Variants in HOGA1 observed in about 807,000 individuals in gnomAD.
HOGA1 encodes 4-hydroxy-2-oxoglutarate aldolase 1.
HOGA1 carries 30 observed loss-of-function variants against 34.3 expected under a neutral mutation model. That is an observed-to-expected ratio of 0.87 (90% CI 0.65 to 1.19). The LOEUF is 1.19. Among genes scored for constraint, HOGA1 ranks in the 50% most tolerant of loss-of-function variants. The pLI is 0.00. For synonymous variants in HOGA1, 161 were observed against 174.0 expected, an observed-to-expected ratio of 0.93 and a Z score of 0.59; for missense variants, 417 against 436.5, an observed-to-expected ratio of 0.96 and a Z score of 0.40.
At position 97,584,792 on chromosome 10, in the gene HOGA1, GGAA is replaced by G. The variant is rs750736378; in HGVS notation, c.94_96del (p.Lys32del). On this transcript the variant is annotated inframe_deletion, in exon 1 of 7. Transcript: ENST00000370646. Reference sequence around the variant, plus strand: ...GTGGGGGTCTGGGCCTCAGGGGAGGGGAAGAAGGTGGACATTGCGGGTATCTAC... The same window carrying G: ...GTGGGGGTCTGGGCCTCAGGGGAGGGGAAGGTGGACATTGCGGGTATCTAC... The G allele has an allele frequency of 1.9e-5, 31 of 1,613,952 alleles. No individual in the cohort carries two copies. The East Asian group carries it at 6.7e-4, about 35-fold the overall frequency.
Position 97,602,175 on chromosome 10 carries a change from G to A in HOGA1, c.834+185G>A, listed in dbSNP as rs540059275. 10 of 1,547,912 alleles carry A rather than the reference G, an allele frequency of 6.5e-6. No homozygotes were observed. In the East Asian group the frequency reaches 9.8e-5, roughly 15 times the overall value. On this transcript the variant is annotated intron_variant, in intron 6 of 6. Coordinates refer to ENST00000370646, the MANE Select transcript of HOGA1 (RefSeq NM_138413.4). The stretch of plus-strand genomic sequence containing the variant: ...GAAAATCCTGACTTCGGACAAAGTC[G>A]AGCACCACTGATTGTCAAACTTAAG...
Position 97,600,173 on chromosome 10 carries a change from C to T in HOGA1, c.700+10C>T. On this transcript the variant is annotated intron_variant, in intron 5 of 6. Coordinates refer to ENST00000370646, the MANE Select transcript of HOGA1 (RefSeq NM_138413.4). ...GCCAGCTATGCCTTGGGTAGGCCGC[C>T]CACTGCTCTCAAATTGTCATGGGTG... is the stretch of plus-strand genomic sequence containing the variant. 1 of 1,609,344 alleles carries T rather than the reference C, an allele frequency of 6.2e-7. No homozygotes were observed.
intron 6 of HOGA1, 30 bp downstream of exon 6, chr10:97,602,020 G>T: frequency 6.3e-7 from 1 of 1,592,906 alleles, no homozygotes; most frequent in Non-Finnish European, 8.5e-7. Flanking sequence ...GGCGCGGCCT[G>T]GCGGGGGGTG....
intron 1 of HOGA1, among the ~76,000 whole-genome samples, chr10:97,591,817 T>TTGTGTGTGTGTGTGTG (rs56742680): frequency 8.1e-5 from 9 of 111,056 alleles, no homozygotes; most frequent in Non-Finnish European, 1.2e-4. Flanking sequence ...TTCTTTCATT[T>TTGTGTGTGTGTGTGTG]TGTGTGTGTG....
chr10:97,587,454 C>T (rs1182088686), intron 1 of HOGA1, among the ~76,000 whole-genome samples: 1 of 152,120 alleles, frequency 6.6e-6, no homozygotes, highest in Non-Finnish European at 1.5e-5. Flanking sequence ...TGGAAAGCTG[C>T]CCTGGATGAA....
At chr10:97,602,342 A>C in intron 6 of HOGA1, 1 of 1,223,436 alleles carries the variant, frequency 8.2e-7, no homozygotes, top group Non-Finnish European at 1.0e-6. Flanking sequence ...AAGAGTGTAA[A>C]CCAGGGGCCT....
In HOGA1 at chr10:97,611,595, A is replaced by G. The variant is rs1388164451; in HGVS notation, c.920A>G (p.Gln307Arg). Residue 307 changes from glutamine to arginine, a missense_variant, in exon 7 of 7, where the codon CAG (glutamine) becomes CGG (arginine). Transcript: ENST00000370646. ...GGAGGCCCCTGCCGCGCCCCCTTGC[A>G]GGAGCTGAGCCCCGCTGAGGAGGAG... ...YYGGPCRAPL[Q>R]ELSPAEEEAL... The G allele has an allele frequency of 6.2e-7, 1 of 1,614,234 alleles. No homozygotes were observed. Among genetic ancestry groups the G allele is most frequent in the Non-Finnish European group, 8.5e-7 (1 of 1,180,036 alleles).
chr10:97,602,699 T>A, intron 6 of HOGA1: 1 of 680,468 alleles, frequency 1.5e-6, no homozygotes, highest in Non-Finnish European at 1.8e-6. Flanking sequence ...CCTTCTTTCT[T>A]TTTTTAGACA....
At chr10:97,601,711 T>C in intron 5 of HOGA1, 146 bp from the exon 6 acceptor site, 1 of 903,970 alleles carries the variant, frequency 1.1e-6, no homozygotes, top group Non-Finnish European at 1.8e-6. Flanking sequence ...TACTCTGGAC[T>C]CACAGAGCAT....
At chr10:97,587,347 G>A (rs2040978641) in intron 1 of HOGA1, among the ~76,000 whole-genome samples, 1 of 152,164 alleles carries the variant, frequency 6.6e-6, no homozygotes, top group Non-Finnish European at 1.5e-5. Flanking sequence ...AGCACTTTGG[G>A]AGGCCAAGGC....
In HOGA1 at chr10:97,599,104, T is replaced by C; in HGVS notation, c.356T>C (p.Val119Ala). The change falls in exon 3 of 7, where the codon GTG becomes GCG. Residue 119 changes from valine (V) to alanine (A), a missense_variant. Physicochemically the swap from Val to Ala is moderately conservative, Grantham distance 64. Transcript: ENST00000370646. ...CCTCTGGCAGCCACTCAAGCCACAGTGGAGATGACCGTCAGCATGGCCCAG... is the reference window on the plus strand; with the variant it reads ...CCTCTGGCAGCCACTCAAGCCACAGCGGAGATGACCGTCAGCATGGCCCAG... ...GSGCESTQAT[V>A]EMTVSMAQVG... 6.2e-7 allele frequency: 1 copy of C among 1,613,428 alleles called. No homozygotes were observed. Among genetic ancestry groups the C allele is most frequent in the Non-Finnish European group, 8.5e-7 (1 of 1,179,990 alleles).
intron 6 of HOGA1, among the ~76,000 whole-genome samples, chr10:97,605,232 G>A (rs1397557243): frequency 6.6e-6 from 1 of 151,914 alleles, no homozygotes; most frequent in Non-Finnish European, 1.5e-5. Context: ...AACATGGGGA[G>A]ACTGTCTCTA....
At chr10:97,607,204 C>T (rs1049086546) in intron 6 of HOGA1, among the ~76,000 whole-genome samples, 1 of 152,030 alleles carries the variant, frequency 6.6e-6, no homozygotes, top group Non-Finnish European at 1.5e-5. Flanking sequence ...CTGGCTGCTC[C>T]CTACACACTG....
In HOGA1 at chr10:97,603,928, G is replaced by A. The variant is rs2041139643; in HGVS notation, c.834+1938G>A. ...AAGAACTAATACAAAGGGATCCCAT[G>A]TACCCATGAGCCAGTTTTCCCCAAT... On this transcript the variant is annotated intron_variant, in intron 6 of 6. Transcript: ENST00000370646. The surrounding 1 kb of genome is among the most constrained non-coding windows in gnomAD (Gnocchi z 4.5). Among the ~76,000 whole-genome samples, 1 of 152,200 alleles carries A rather than the reference G, an allele frequency of 6.6e-6. No individual in the cohort carries two copies. Among genetic ancestry groups the A allele is most frequent in the African/African-American group, 2.4e-5 (1 of 41,444 alleles).
chr10:97,599,552 A>G, intron 3 of HOGA1, 128 bp from the exon 4 acceptor site: 2 of 1,203,120 alleles, frequency 1.7e-6, no homozygotes, highest in Non-Finnish European at 2.4e-6. Flanking sequence ...GGCACGTAGC[A>G]TGGGAGGGAG....
chr10:97,593,014 AGT>A (rs2041038850), intron 1 of HOGA1, among the ~76,000 whole-genome samples: 1 of 135,398 alleles, frequency 7.4e-6, no homozygotes, highest in African/African-American at 3.0e-5. Flanking sequence ...TGGGCGACAG[AGT>A]GAGACTCTGT....
chr10:97,602,829 C>A (rs540018945), intron 6 of HOGA1, among the ~76,000 whole-genome samples: 4 of 152,108 alleles, frequency 2.6e-5, no homozygotes, highest in African/African-American at 9.6e-5. Flanking sequence ...TACACGTGTG[C>A]ACCACCATGC....
At chr10:97,592,628 T>A (rs891981839) in intron 1 of HOGA1, among the ~76,000 whole-genome samples, 27 of 152,178 alleles carry the variant, frequency 1.8e-4, no homozygotes, top group Non-Finnish European at 3.7e-4. Flanking sequence ...TCAGACAATT[T>A]GATTATGAGT....
chr10:97,609,708 C>A (rs2041181787), intron 6 of HOGA1, among the ~76,000 whole-genome samples: 1 of 152,184 alleles, frequency 6.6e-6, no homozygotes, highest in Admixed American at 6.6e-5. Flanking sequence ...TGAAGAGGGG[C>A]CACATCAGAT....
Sources: allele counts gnomAD v4.1 joint callset (sites outside exome capture counted in the v4.1 genomes callset), GRCh38; gene constraint gnomAD v4.1.1; non-coding constraint Gnocchi (gnomAD v3.1); transcripts MANE v1.5; gene names NCBI Gene and HGNC (gene_info 2026-07-23, HGNC 2026-07-21).